Variants in SYNPR observed in about 807,000 individuals in gnomAD.
SYNPR encodes synaptoporin.
SYNPR carries 23 observed loss-of-function variants against 32.9 expected under a neutral mutation model. The ratio of observed to expected loss-of-function variants is 0.70; its 90% CI spans 0.50 to 0.99. SYNPR has a LOEUF of 0.99. Among genes scored for constraint, SYNPR ranks in the 50% least tolerant of loss-of-function variants. SYNPR has a pLI of 0.00. For missense variants in SYNPR, 318 were observed against 349.3 expected, an observed-to-expected ratio of 0.91 and a Z score of 0.71; for synonymous variants, 146 against 135.9, an observed-to-expected ratio of 1.07 and a Z score of -0.52.
chr3:63,515,440 C>T (rs2106761735), intron 3 of SYNPR, among the ~76,000 whole-genome samples: 1 of 152,244 alleles, frequency 6.6e-6, no homozygotes, highest in South Asian at 2.1e-4. Context: ...TAATTATTAT[C>T]TTGAAGCCTC....
chr3:63,494,460 C>CAT (rs1171188996), intron 3 of SYNPR, among the ~76,000 whole-genome samples: 53 of 77,196 alleles, frequency 6.9e-4, no homozygotes, highest in African/African-American at 2.7e-3. Context: ...CATATATATA[C>CAT]ATATATACAC....
rs559746859 is a variant in SYNPR at position 63,494,437 on chromosome 3, A to G, written c.209+13481A>G. Among the ~76,000 whole-genome samples, 354 of 126,820 alleles carry G rather than the reference A, an allele frequency of 2.8e-3. 4 individuals carry two copies. The highest frequency in any genetic ancestry group is 6.2e-3 in the Admixed American group (76 of 12,206). The allele number at this position is 126,820 out of a possible 152,430, so 83.2% of individuals were successfully genotyped here. A position where few individuals can be genotyped will look rare whatever the true frequency, so the allele number is the denominator to read the frequency against. On this transcript the variant is annotated intron_variant, in intron 3 of 5. Coordinates refer to ENST00000478300, the MANE Select transcript of SYNPR (RefSeq NM_001130003.2). ...TATATACGTATATATATATATACGT[A>G]TATATATATACACATATATATACAT...
At chr3:63,478,541 G>A (rs987961222) in intron 2 of SYNPR, among the ~76,000 whole-genome samples, 5 of 152,074 alleles carry the variant, frequency 3.3e-5, no homozygotes, top group African/African-American at 1.2e-4. Context: ...GCCCATAGTA[G>A]GCACTTTAAA....
intron 2 of SYNPR, among the ~76,000 whole-genome samples, chr3:63,282,093 T>C (rs9840413): frequency 0.071 from 10,806 of 152,302 alleles, 417 homozygotes; most frequent in Middle Eastern, 0.099. Flanking sequence ...GCAGAAGACA[T>C]GTCTTTTGAC....
intron 2 of SYNPR, among the ~76,000 whole-genome samples, chr3:63,260,552 C>T (rs905856463): frequency 2.6e-5 from 4 of 152,148 alleles, no homozygotes; most frequent in African/African-American, 9.7e-5. Flanking sequence ...CTTCCTTACA[C>T]CTTATACAAA....
chr3:63,497,137 T>C (rs1701388293), intron 3 of SYNPR, among the ~76,000 whole-genome samples: 1 of 152,198 alleles, frequency 6.6e-6, no homozygotes, highest in African/African-American at 2.4e-5. Context: ...TTAAGGTCTC[T>C]TAATCTTTAC....
intron 2 of SYNPR, among the ~76,000 whole-genome samples, chr3:63,432,354 A>G (rs955985768): frequency 2.0e-4 from 31 of 152,312 alleles, no homozygotes; most frequent in African/African-American, 7.2e-4. Flanking sequence ...CTGGTGGTAC[A>G]CAGGGCAGCA....
chr3:63,357,286 A>T (rs770612982), intron 2 of SYNPR, among the ~76,000 whole-genome samples: 1 of 151,826 alleles, frequency 6.6e-6, no homozygotes, highest in Non-Finnish European at 1.5e-5. Flanking sequence ...CCCCTTACCA[A>T]CATCTCAGGA....
At position 63,347,116 on chromosome 3, in the gene SYNPR, C is replaced by T. The variant is rs530156384; in HGVS notation, c.84+68374C>T. 1.3e-4 allele frequency among the ~76,000 whole-genome samples: 20 copies of T among 152,258 alleles called. No homozygotes were observed. In the South Asian group the frequency reaches 2.7e-3, roughly 21 times the overall value. ...AATGTAACTAATGCAATGTTTGGGA[C>T]AGAGTAAGTACTTCACCTAGTTTAT... On this transcript the variant is annotated intron_variant, in intron 2 of 5. Coordinates refer to ENST00000478300, the MANE Select transcript of SYNPR (RefSeq NM_001130003.2).
chr3:63,452,016 A>C lies in SYNPR; in HGVS notation c.85-28816A>C, dbSNP rs1039918798. The C allele has an allele frequency of 8.6e-6, 6 of 696,908 alleles. No homozygotes were observed. In the Admixed American group the frequency reaches 1.2e-4, roughly 14 times the overall value. The allele number at this position is 696,908 out of a possible 1,614,324, so 43.2% of individuals were successfully genotyped here. A position where few individuals can be genotyped will look rare whatever the true frequency, so the allele number is the denominator to read the frequency against. On this transcript the variant is annotated intron_variant, in intron 2 of 5. Transcript: ENST00000478300. ...AGACACCCTCCTTTCTTCCTCCCCC[A>C]GACCAGTTCCCTGATATAATTTTTT...
chr3:63,282,473 T>C (rs1213115542), intron 2 of SYNPR, among the ~76,000 whole-genome samples: 1 of 152,152 alleles, frequency 6.6e-6, no homozygotes, highest in Non-Finnish European at 1.5e-5. Flanking sequence ...TACATTTTTA[T>C]TGTCCGTACT....
chr3:63,392,019 G>A (rs2088144411), intron 2 of SYNPR, among the ~76,000 whole-genome samples: 1 of 152,150 alleles, frequency 6.6e-6, no homozygotes, highest in Non-Finnish European at 1.5e-5. Flanking sequence ...CAGCATTCTA[G>A]GTGTGAGCTT....
At chr3:63,415,632 A>C (rs551710515) in intron 2 of SYNPR, among the ~76,000 whole-genome samples, 22 of 152,342 alleles carry the variant, frequency 1.4e-4, no homozygotes, top group Admixed American at 2.6e-4. Context: ...CTGTTTTCCA[A>C]TAAAAATTCA....
intron 2 of SYNPR, among the ~76,000 whole-genome samples, chr3:63,392,074 G>A (rs181112278): frequency 1.2e-4 from 18 of 152,168 alleles, no homozygotes; most frequent in South Asian, 4.2e-4. Flanking sequence ...CAACTCCACC[G>A]CCTAACTAAA....
intron 3 of SYNPR, among the ~76,000 whole-genome samples, chr3:63,554,506 G>T (rs1215965202): frequency 1.3e-5 from 2 of 152,176 alleles, no homozygotes; most frequent in Non-Finnish European, 2.9e-5. Flanking sequence ...CCTTGTCAAA[G>T]ATCAGACGGT....
chr3:63,321,637 A>G (rs1039195843), intron 2 of SYNPR, among the ~76,000 whole-genome samples: 1 of 152,100 alleles, frequency 6.6e-6, no homozygotes, highest in Non-Finnish European at 1.5e-5. Context: ...ATTGCTTAGT[A>G]CATAGCAGGT....
intron 2 of SYNPR, among the ~76,000 whole-genome samples, chr3:63,394,966 A>G (rs1001892210): frequency 1.3e-5 from 2 of 152,190 alleles, no homozygotes; most frequent in African/African-American, 2.4e-5. Flanking sequence ...ATCCATCAAA[A>G]TAGACTTATT....
chr3:63,399,036 T>G (rs1016013841), intron 2 of SYNPR, among the ~76,000 whole-genome samples: 1 of 152,154 alleles, frequency 6.6e-6, no homozygotes, highest in Non-Finnish European at 1.5e-5. Flanking sequence ...GGCTTAAAAA[T>G]AGGCAGAAAC....
rs569662839 is a variant in SYNPR, at chr3:63,424,192, TG to T, written c.85-56637del. On this transcript the variant is annotated intron_variant, in intron 2 of 5. Coordinates refer to ENST00000478300, the MANE Select transcript of SYNPR (RefSeq NM_001130003.2). Reference sequence around the variant, plus strand: ...TAGTAATGTCGAAAATAAAGGAAGCTGGGTGCAAGGTATATGGAAACTCTCT... The same window carrying T: ...TAGTAATGTCGAAAATAAAGGAAGCTGGTGCAAGGTATATGGAAACTCTCT... Among the ~76,000 whole-genome samples, 264 of 152,338 alleles carry T rather than the reference TG, an allele frequency of 1.7e-3. 5 individuals are homozygous for T. The highest frequency in any genetic ancestry group is 6.2e-3 in the African/African-American group (257 of 41,590).
Sources: gnomAD v4.1 joint callset for allele counts (sites outside exome capture counted in the v4.1 genomes callset) on GRCh38, gnomAD v4.1.1 for gene constraint, MANE v1.5 for transcripts, NCBI Gene and HGNC (gene_info 2026-07-23, HGNC 2026-07-21) for gene names.